Variants in EIF2B3 observed in about 807,000 individuals in gnomAD.
EIF2B3 encodes the protein eukaryotic translation initiation factor 2B subunit gamma.
A neutral mutation model predicts 54.1 loss-of-function variants in EIF2B3; 20 were observed. That is an observed-to-expected ratio of 0.37 (90% CI 0.26 to 0.54). The LOEUF (loss-of-function observed/expected upper bound fraction) is 0.54, where lower values mean the gene tolerates loss of function less well. Among genes scored for constraint, EIF2B3 ranks in the 20% least tolerant of loss-of-function variants. EIF2B3 has a pLI of 0.86. For missense variants in EIF2B3, 448 were observed against 547.8 expected (o/e 0.82, Z 1.82); for synonymous variants, 153 against 188.1 (o/e 0.81, Z 1.52).
At chr1:44,964,919 C>T (rs893059632) in intron 3 of EIF2B3, among the ~76,000 whole-genome samples, 1 of 152,156 alleles carries the variant, frequency 6.6e-6, no homozygotes, top group Non-Finnish European at 1.5e-5. Flanking sequence ...AACTTGTTCT[C>T]GAGGAATAAT....
intron 10 of EIF2B3, among the ~76,000 whole-genome samples, chr1:44,865,528 A>C (rs1654744409): frequency 6.6e-6 from 1 of 151,762 alleles, no homozygotes; most frequent in Non-Finnish European, 1.5e-5. Flanking sequence ...GTGAGCTTTA[A>C]GGAATGAAGC....
intron 3 of EIF2B3, among the ~76,000 whole-genome samples, chr1:44,974,318 T>TA (rs948049983): frequency 1.3e-5 from 2 of 150,862 alleles, no homozygotes; most frequent in Non-Finnish European, 3.0e-5. Context: ...TCTCTATATA[T>TA]AAAAAAAGTC....
chr1:44,978,943 C>T (rs986358237), intron 2 of EIF2B3, among the ~76,000 whole-genome samples: 4 of 151,802 alleles, frequency 2.6e-5, no homozygotes, highest in Non-Finnish European at 4.4e-5. Flanking sequence ...GGCCTCCCCC[C>T]AATTAATTCT....
chr1:44,956,649 G>A (rs1644229300), intron 3 of EIF2B3, among the ~76,000 whole-genome samples: 1 of 152,054 alleles, frequency 6.6e-6, no homozygotes, highest in Non-Finnish European at 1.5e-5. Flanking sequence ...ATATATGTGT[G>A]TATATAAATT....
chr1:44,895,895 G>A (rs565240093), intron 6 of EIF2B3, among the ~76,000 whole-genome samples: 1 of 152,264 alleles, frequency 6.6e-6, no homozygotes, highest in East Asian at 1.9e-4. Context: ...TGCCTATCAA[G>A]GCCTAGGCTC....
At chr1:44,976,794 C>G (rs1440428354) in intron 3 of EIF2B3, among the ~76,000 whole-genome samples, 1 of 152,146 alleles carries the variant, frequency 6.6e-6, no homozygotes, top group East Asian at 1.9e-4. Flanking sequence ...GAAGCCAGAA[C>G]AAAATTGTAT....
At position 44,850,987 on chromosome 1, in the gene EIF2B3, C is replaced by G. The variant is rs1465780150; in HGVS notation, c.1323G>C (p.Glu441Asp). ...RIEAKAKRVN[E>D]VIVGNDQLME... The stretch of plus-strand genomic sequence containing the variant: ...TGAGCTGGTCATTCCCCACGATCAC[C>G]TCATTCACTCGTTTAGCTACAAAAG... The change falls in exon 12 of 12, where the codon GAG becomes GAC. Residue 441 changes from glutamate (E) to aspartate (D), a missense_variant. Physicochemically the swap from Glu to Asp is conservative, Grantham distance 45 (BLOSUM62 2). This residue lies in a region of EIF2B3 where 350 missense variants were observed against 414.2 expected (regional missense o/e 0.85). Coordinates refer to ENST00000360403, the MANE Select transcript of EIF2B3 (RefSeq NM_020365.5). 3.7e-6 allele frequency: 6 copies of G among 1,614,144 alleles called. No individual in the cohort carries two copies. The Admixed American group carries it at 6.7e-5, about 18-fold the overall frequency.
chr1:44,892,275 GAT>G (rs1655820891), intron 6 of EIF2B3, among the ~76,000 whole-genome samples: 1 of 151,982 alleles, frequency 6.6e-6, no homozygotes, highest in South Asian at 2.1e-4. Context: ...CAGATTTTTG[GAT>G]ACAGAAGGTA....
chr1:44,967,506 C>T (rs1252088044), intron 3 of EIF2B3, among the ~76,000 whole-genome samples: 6 of 150,676 alleles, frequency 4.0e-5, no homozygotes, highest in African/African-American at 7.3e-5. Context: ...TTTGGGATGC[C>T]GAGGCAGGCG....
intron 3 of EIF2B3, among the ~76,000 whole-genome samples, chr1:44,967,307 C>T (rs1487006523): frequency 6.6e-6 from 1 of 151,122 alleles, no homozygotes; most frequent in Admixed American, 6.6e-5. Context: ...ATTAGCCAGG[C>T]ATGGTGGCTC....
intron 11 of EIF2B3, among the ~76,000 whole-genome samples, chr1:44,853,994 GTTTT>G (rs113200962): frequency 2.9e-5 from 4 of 137,474 alleles, no homozygotes; most frequent in Non-Finnish European, 6.2e-5. Context: ...AGCAGTTAGT[GTTTT>G]TTTTTTTTGT....
intron 10 of EIF2B3, among the ~76,000 whole-genome samples, chr1:44,869,631 C>T (rs1443816150): frequency 9.0e-6 from 1 of 111,274 alleles, no homozygotes; most frequent in East Asian, 2.9e-4. Flanking sequence ...GATGGAGTCT[C>T]GCTCTGTCAC....
chr1:44,969,269 A>G (rs1644377501), intron 3 of EIF2B3, among the ~76,000 whole-genome samples: 1 of 152,218 alleles, frequency 6.6e-6, no homozygotes, highest in Non-Finnish European at 1.5e-5. Context: ...CATTAAATCA[A>G]CAAAAACCTA....
chr1:44,954,112 T>C (rs1175350619), intron 3 of EIF2B3, among the ~76,000 whole-genome samples: 1 of 152,172 alleles, frequency 6.6e-6, no homozygotes, highest in African/African-American at 2.4e-5. Flanking sequence ...AAATTAAAAG[T>C]GAAAATACAA....
chr1:44,900,803 G>T (rs1643279299), intron 5 of EIF2B3, among the ~76,000 whole-genome samples: 1 of 152,124 alleles, frequency 6.6e-6, no homozygotes, highest in South Asian at 2.1e-4. Flanking sequence ...GTTTTGGTCT[G>T]CATTTCCCTA....
chr1:44,873,493 A>C (rs767306357), intron 10 of EIF2B3, among the ~76,000 whole-genome samples: 1 of 152,132 alleles, frequency 6.6e-6, no homozygotes, highest in Non-Finnish European at 1.5e-5. Context: ...GAGTTATAGC[A>C]TAACTTTGGC....
intron 1 of EIF2B3, among the ~76,000 whole-genome samples, chr1:44,984,044 T>G (rs566993861): frequency 6.6e-6 from 1 of 151,938 alleles, no homozygotes; most frequent in South Asian, 2.1e-4. Flanking sequence ...CCAGGCATGG[T>G]GTCAGGCACC....
At chr1:44,937,899 AAAAAAAAAAAAAAAAAAAAAAAG>A (rs1174947918) in intron 4 of EIF2B3, among the ~76,000 whole-genome samples, 3 of 145,402 alleles carry the variant, frequency 2.1e-5, no homozygotes, top group African/African-American at 7.5e-5. Context: ...AAAAAAAAAA[AAAAAAAAAAAAAAAAAAAAAAAG>A]ACCTGCAGCA....
At chr1:44,904,257 G>C (rs1451138888) in intron 5 of EIF2B3, among the ~76,000 whole-genome samples, 1 of 152,146 alleles carries the variant, frequency 6.6e-6, no homozygotes, top group Admixed American at 6.5e-5. Flanking sequence ...TCAAATACAA[G>C]AGAAAATTAA....
Sources: gnomAD v4.1 joint callset for allele counts (sites outside exome capture counted in the v4.1 genomes callset) on GRCh38, gnomAD v4.1.1 for gene constraint, gnomAD v4.1.1 regional missense constraint, MANE v1.5 for transcripts, NCBI Gene and HGNC (gene_info 2026-07-23, HGNC 2026-07-21) for gene names.